VPS8: variants seen among roughly 807,000 people sequenced by gnomAD.
VPS8 encodes the protein VPS8 subunit of CORVET complex, also known as vacuolar protein sorting-associated protein 8 homolog.
A neutral mutation model predicts 216.4 loss-of-function variants in VPS8; 129 were observed. The ratio of observed to expected loss-of-function variants is 0.60; its 90% CI spans 0.52 to 0.69. The LOEUF is 0.69. Among genes scored for constraint, VPS8 ranks in the 30% least tolerant of loss-of-function variants. VPS8 has a pLI of 0.00. For missense variants in VPS8, 1,531 were observed against 1,683.5 expected, an observed-to-expected ratio of 0.91 and a Z score of 1.59; for synonymous variants, 571 against 565.4, an observed-to-expected ratio of 1.01 and a Z score of -0.14.
intron 36 of VPS8, among the ~76,000 whole-genome samples, chr3:184,941,576 G>C (rs1031558421): frequency 6.6e-6 from 1 of 151,976 alleles, no homozygotes; most frequent in Non-Finnish European, 1.5e-5. Context: ...GGTAGGGAGA[G>C]CTGGGAGGGG....
intron 1 of VPS8, among the ~76,000 whole-genome samples, chr3:184,816,586 A>G (rs1716371405): frequency 6.6e-6 from 1 of 152,188 alleles, no homozygotes; most frequent in African/African-American, 2.4e-5. Flanking sequence ...CCATCCCAGT[A>G]TATAGTAATG....
At chr3:184,854,768 C>CTATTACAT (rs1724936441) in intron 13 of VPS8, among the ~76,000 whole-genome samples, 1 of 152,212 alleles carries the variant, frequency 6.6e-6, no homozygotes, top group Non-Finnish European at 1.5e-5. Context: ...TGTGCTTTCC[C>CTATTACAT]TGGCTTCTGC....
intron 31 of VPS8, among the ~76,000 whole-genome samples, chr3:184,927,104 C>T (rs1021833312): frequency 6.6e-5 from 10 of 152,184 alleles, no homozygotes; most frequent in Non-Finnish European, 1.5e-4. Context: ...ATCCACCTGT[C>T]CCTCCGCTAA....
intron 28 of VPS8, among the ~76,000 whole-genome samples, chr3:184,916,363 C>G (rs1351943444): frequency 2.0e-5 from 3 of 151,960 alleles, no homozygotes; most frequent in Admixed American, 2.0e-4. Flanking sequence ...TTAGCGAAAG[C>G]AGCAGGCACA....
intron 29 of VPS8, among the ~76,000 whole-genome samples, chr3:184,920,938 C>T (rs543689368): frequency 1.7e-4 from 26 of 152,248 alleles, no homozygotes; most frequent in African/African-American, 5.5e-4. Flanking sequence ...TGTTTATATA[C>T]GTTATTTCTT....
chr3:184,895,195 A>T (rs1191491218), intron 23 of VPS8, among the ~76,000 whole-genome samples: 1 of 152,162 alleles, frequency 6.6e-6, no homozygotes, highest in African/African-American at 2.4e-5. Flanking sequence ...TATAGAGTTT[A>T]CATTTAGAAG....
chr3:185,018,060 T>C (rs1341530593), intron 45 of VPS8, among the ~76,000 whole-genome samples: 2 of 152,192 alleles, frequency 1.3e-5, no homozygotes, highest in African/African-American at 4.8e-5. Context: ...ATGGAGTATT[T>C]CCTTTATCCA....
intron 19 of VPS8, 146 bp from the exon 20 acceptor site, chr3:184,869,333 TATG>T: frequency 1.3e-6 from 1 of 767,166 alleles, no homozygotes; most frequent in Non-Finnish European, 2.1e-6. Context: ...GTGTTCCTAT[TATG>T]GTGTATTATC....
At chr3:184,868,174 A>T in intron 18 of VPS8, 115 bp downstream of exon 18, 1 of 1,121,302 alleles carries the variant, frequency 8.9e-7, no homozygotes. Context: ...TCAGAAGTGT[A>T]CAAGAAAACC....
At chr3:184,836,542 T>A (rs1721130150) in intron 5 of VPS8, among the ~76,000 whole-genome samples, 2 of 152,230 alleles carry the variant, frequency 1.3e-5, no homozygotes, top group South Asian at 2.1e-4. Context: ...GTTTGCATTC[T>A]GTTTTTATTT....
intron 46 of VPS8, 129 bp from the exon 47 acceptor site, chr3:185,048,350 A>G: frequency 1.2e-6 from 1 of 861,218 alleles, no homozygotes; most frequent in Non-Finnish European, 1.9e-6. Flanking sequence ...TCTCACTAAT[A>G]GCTGGTAGCA....
At chr3:185,038,088 T>C (rs928828654) in intron 46 of VPS8, among the ~76,000 whole-genome samples, 7 of 152,254 alleles carry the variant, frequency 4.6e-5, no homozygotes, top group African/African-American at 1.7e-4. Context: ...GTATACCCTA[T>C]GTACTGGTCC....
At chr3:184,826,082 T>C in intron 2 of VPS8, 81 bp from the exon 3 acceptor site, 1 of 937,966 alleles carries the variant, frequency 1.1e-6, no homozygotes, top group Non-Finnish European at 1.6e-6. Flanking sequence ...TAATTGATGG[T>C]GGTTTTAATC....
At chr3:184,871,204 A>AAT (rs71272847) in intron 21 of VPS8, among the ~76,000 whole-genome samples, 33,473 of 149,214 alleles carry the variant, frequency 0.22, 4,503 homozygotes, top group East Asian at 0.61. Context: ...ATCAATCACA[A>AAT]ATATATATAT....
At chr3:184,894,498 A>C (rs1732966113) in intron 22 of VPS8, among the ~76,000 whole-genome samples, 1 of 126,952 alleles carries the variant, frequency 7.9e-6, no homozygotes, top group Non-Finnish European at 1.6e-5. Flanking sequence ...ATATATGTAT[A>C]TATACACACG....
chr3:184,918,828 T>C lies in VPS8; in HGVS notation c.2383-1299T>C, dbSNP rs538404234. ...ATGGGTGTCTATGTATGTGTGTGTT[T>C]GTTGTTCTCATGAATCCGAAGATAG... On this transcript the variant is annotated intron_variant, in intron 28 of 47. Transcript: ENST00000625842. Among the ~76,000 whole-genome samples the C allele has an allele frequency of 4.6e-5, 7 of 152,324 alleles. No individual in the cohort carries two copies. The East Asian group carries it at 9.6e-4, about 21-fold the overall frequency.
intron 1 of VPS8, 141 bp from the exon 2 acceptor site, chr3:184,824,404 C>G (rs571381796): frequency 2.0e-6 from 1 of 509,764 alleles, no homozygotes; most frequent in East Asian, 3.3e-5. Context: ...ACCCTGTACC[C>G]CACTGTTAAT....
rs1290248373 is a variant in VPS8, at chr3:184,894,812, A to C, written c.1891A>C (p.Ile631Leu). Residue 631 changes from isoleucine (I) to leucine (L), a missense_variant, in exon 23 of 48, where the codon ATC becomes CTC. Physicochemically the swap from Ile to Leu is conservative, Grantham distance 5 (BLOSUM62 2). Transcript: ENST00000625842. ...PYILSDKLVG[I>L]TPQVMKDLIV... ...TATTTTAAGTGATAAATTGGTGGGAATCACACCCCAAGTAATGAAAGACTT... is the reference window on the plus strand; with the variant it reads ...TATTTTAAGTGATAAATTGGTGGGACTCACACCCCAAGTAATGAAAGACTT... 5 of 1,610,908 alleles carry C rather than the reference A, an allele frequency of 3.1e-6. No individual in the cohort carries two copies. The highest frequency in any genetic ancestry group is 4.2e-6 in the Non-Finnish European group (5 of 1,178,366).
chr3:184,980,693 G>A (rs1314752537), intron 40 of VPS8, among the ~76,000 whole-genome samples: 1 of 152,040 alleles, frequency 6.6e-6, no homozygotes, highest in Non-Finnish European at 1.5e-5. Context: ...TTCTTAAAAT[G>A]GCTATTTCAT....
Sources: allele counts gnomAD v4.1 joint callset (sites outside exome capture counted in the v4.1 genomes callset), GRCh38; gene constraint gnomAD v4.1.1; transcripts MANE v1.5; gene names NCBI Gene and HGNC (gene_info 2026-07-23, HGNC 2026-07-21).